Variants in RBM20 observed in about 807,000 individuals in gnomAD.
RBM20 encodes RNA-binding protein 20.
A neutral mutation model predicts 110.1 loss-of-function variants in RBM20; 51 were observed. That is an observed-to-expected ratio of 0.46 (90% CI 0.37 to 0.59). RBM20 has a LOEUF of 0.59. Among genes scored for constraint, RBM20 ranks in the 20% least tolerant of loss-of-function variants. The pLI, the probability that RBM20 is intolerant of heterozygous loss-of-function variation, is 0.00. For synonymous variants in RBM20, 589 were observed against 618.2 expected, an observed-to-expected ratio of 0.95 and a Z score of 0.70; for missense variants, 1,512 against 1,574.9, an observed-to-expected ratio of 0.96 and a Z score of 0.68.
chr10:110,781,871 T>A lies in RBM20; in HGVS notation c.1262T>A (p.Val421Glu). The A allele has an allele frequency of 1.9e-6, 3 of 1,551,516 alleles. No homozygotes were observed. Among genetic ancestry groups the A allele is most frequent in the Non-Finnish European group, 2.6e-6 (3 of 1,146,950 alleles). The change falls in exon 2 of 14, where the codon GTG becomes GAG. Residue 421 changes from valine to glutamate, a missense_variant. Physicochemically the swap from Val to Glu is moderately radical, Grantham distance 121. Coordinates refer to ENST00000369519, the MANE Select transcript of RBM20 (RefSeq NM_001134363.3). ...PHICSICDKK[V>E]FDLKDWELHV... is the part of the protein sequence containing the mutation. ...ATCTGTAGCATCTGTGACAAGAAGGTGTTTGATTTGAAGGTGAGTTGTCCA... is the reference window on the plus strand; with the variant it reads ...ATCTGTAGCATCTGTGACAAGAAGGAGTTTGATTTGAAGGTGAGTTGTCCA...
At chr10:110,822,532 T>G in intron 11 of RBM20, 1 of 455,108 alleles carries the variant, frequency 2.2e-6, no homozygotes, top group Non-Finnish European at 4.4e-6. Flanking sequence ...AGAGAGAGTT[T>G]AAAATAGGCT....
chr10:110,672,380 G>T (rs555916371), intron 1 of RBM20, among the ~76,000 whole-genome samples: 1 of 152,348 alleles, frequency 6.6e-6, no homozygotes, highest in South Asian at 2.1e-4. Context: ...AGCCTGAGAG[G>T]TCTCAGCGAG....
At chr10:110,701,453 C>T (rs2134894463) in intron 1 of RBM20, among the ~76,000 whole-genome samples, 1 of 152,256 alleles carries the variant, frequency 6.6e-6, no homozygotes, top group South Asian at 2.1e-4. Context: ...ATGCTGTTCC[C>T]ATCATTTACC....
chr10:110,769,904 A>T (rs575784883), intron 1 of RBM20, among the ~76,000 whole-genome samples: 1 of 152,068 alleles, frequency 6.6e-6, no homozygotes, highest in African/African-American at 2.4e-5. Context: ...ATTTTTTTAG[A>T]GACAGAATCT....
chr10:110,798,779 A>G (rs1844584280), intron 6 of RBM20, among the ~76,000 whole-genome samples: 1 of 152,264 alleles, frequency 6.6e-6, no homozygotes. Flanking sequence ...TCAGGGGCTC[A>G]CAGTGAGGGC....
intron 9 of RBM20, among the ~76,000 whole-genome samples, chr10:110,818,407 C>A (rs1844868915): frequency 6.6e-6 from 1 of 152,008 alleles, no homozygotes; most frequent in Non-Finnish European, 1.5e-5. Context: ...AGGTACAGAG[C>A]AGAAGTGGGA....
At position 110,752,948 on chromosome 10, in the gene RBM20, T is replaced by A. The variant is rs866161496; in HGVS notation, c.192-27853T>A. ...ATATATATATATATATATATATATT[T>A]TTTTTTTTTTTATGAAGTCTCCCTC... On this transcript the variant is annotated intron_variant, in intron 1 of 13. Transcript: ENST00000369519. 8.6e-3 allele frequency among the ~76,000 whole-genome samples: 727 copies of A among 84,320 alleles called. 4 individuals are homozygous for A. The highest frequency in any genetic ancestry group is 0.018 in the African/African-American group (539 of 30,716). 55.3% of individuals were successfully genotyped at this position (84,320 alleles called of 152,430 possible).
chr10:110,786,674 G>A (rs1344127054), intron 5 of RBM20, among the ~76,000 whole-genome samples: 1 of 152,244 alleles, frequency 6.6e-6, no homozygotes, highest in Non-Finnish European at 1.5e-5. Flanking sequence ...ATTCAGTGAG[G>A]CCTGTCCTCT....
chr10:110,796,145 A>G (rs1244234964), intron 5 of RBM20, among the ~76,000 whole-genome samples: 1 of 152,230 alleles, frequency 6.6e-6, no homozygotes, highest in Admixed American at 6.5e-5. Flanking sequence ...AAGTCAAACA[A>G]CATGAGGTAT....
Position 110,784,793 on chromosome 10 carries a change from T to C in RBM20, c.1431T>C (p.Asp477=). Reference sequence around the variant, plus strand: ...GACTTTGTGTAATTCATCATTTAGATTATGCCTCAAATCTTGGAACATCAT... The same window carrying C: ...GACTTTGTGTAATTCATCATTTAGACTATGCCTCAAATCTTGGAACATCAT... ...TAVYNPAGNE[D]YASNLGTSYV... is the part of the protein sequence containing the mutation. Residue 477 remains aspartate, a splice_region_variant and synonymous_variant, in exon 5 of 14, where the codon GAT becomes GAC. Coordinates refer to ENST00000369519, the MANE Select transcript of RBM20 (RefSeq NM_001134363.3). 1 of 1,539,788 alleles carries C rather than the reference T, an allele frequency of 6.5e-7. No individual in the cohort carries two copies. Among genetic ancestry groups the C allele is most frequent in the Non-Finnish European group, 8.8e-7 (1 of 1,136,112 alleles).
chr10:110,717,885 G>C (rs1352582262), intron 1 of RBM20, among the ~76,000 whole-genome samples: 2 of 152,224 alleles, frequency 1.3e-5, no homozygotes, highest in Non-Finnish European at 2.9e-5. Flanking sequence ...CGAGGGAGGA[G>C]CCTCATTCTC....
At chr10:110,690,503 C>T (rs1330836493) in intron 1 of RBM20, among the ~76,000 whole-genome samples, 1 of 152,168 alleles carries the variant, frequency 6.6e-6, no homozygotes, top group Non-Finnish European at 1.5e-5. Context: ...ACTTTTTCAT[C>T]ACCCAAACAG....
intron 1 of RBM20, among the ~76,000 whole-genome samples, chr10:110,656,466 A>ATG (rs35325396): frequency 0.21 from 31,411 of 147,762 alleles, 4,081 homozygotes; most frequent in African/African-American, 0.39. Context: ...GTATGTACTC[A>ATG]TGTGTGTGTG....
At chr10:110,805,914 T>C (rs1169792081) in intron 7 of RBM20, among the ~76,000 whole-genome samples, 1 of 151,980 alleles carries the variant, frequency 6.6e-6, no homozygotes, top group African/African-American at 2.4e-5. Context: ...CAAAATAATA[T>C]AGGGGGTGGG....
chr10:110,776,875 G>A (rs1431436249), intron 1 of RBM20, among the ~76,000 whole-genome samples: 1 of 152,160 alleles, frequency 6.6e-6, no homozygotes, highest in Admixed American at 6.5e-5. Flanking sequence ...CTGCATTGGA[G>A]TGGGAAATTG....
At chr10:110,692,374 A>G (rs1954179) in intron 1 of RBM20, among the ~76,000 whole-genome samples, 47,289 of 152,024 alleles carry the variant, frequency 0.31, 7,773 homozygotes, top group Middle Eastern at 0.42. Flanking sequence ...AAGTCTACCA[A>G]TCCATGAACA....
intron 9 of RBM20, among the ~76,000 whole-genome samples, chr10:110,817,749 G>A (rs892414056): frequency 6.6e-6 from 1 of 152,168 alleles, no homozygotes; most frequent in African/African-American, 2.4e-5. Context: ...TTGGAGGCAC[G>A]GTGAGTATTG....
intron 1 of RBM20, among the ~76,000 whole-genome samples, chr10:110,681,698 G>A (rs2134860200): frequency 6.6e-6 from 1 of 152,280 alleles, no homozygotes; most frequent in Non-Finnish European, 1.5e-5. Context: ...CAAAAATAGT[G>A]CAGAGAGTTC....
chr10:110,762,192 T>C (rs1312492131), intron 1 of RBM20, among the ~76,000 whole-genome samples: 2 of 152,244 alleles, frequency 1.3e-5, no homozygotes, highest in Admixed American at 6.5e-5. Flanking sequence ...TTCTAATCTG[T>C]AAAATGGGGA....
Sources: allele counts gnomAD v4.1 joint callset (sites outside exome capture counted in the v4.1 genomes callset), GRCh38; gene constraint gnomAD v4.1.1; transcripts MANE v1.5; gene names NCBI Gene and HGNC (gene_info 2026-07-23, HGNC 2026-07-21).